AMD1: variants seen among roughly 807,000 people sequenced by gnomAD.
AMD1 encodes the protein S-adenosylmethionine decarboxylase proenzyme.
AMD1 carries 11 observed loss-of-function variants against 40.2 expected under a neutral mutation model. The observed-to-expected ratio is 0.27, with a 90% CI of 0.17 to 0.45. The LOEUF is 0.45. Ranked by LOEUF, AMD1 falls within the 20% of genes least tolerant of loss-of-function variation. The pLI is 1.00. For missense variants in AMD1, 257 were observed against 410.2 expected, an observed-to-expected ratio of 0.63 and a Z score of 3.23; for synonymous variants, 121 against 130.8, an observed-to-expected ratio of 0.93 and a Z score of 0.51.
At chr6:110,819,913 TATAATGCATTAGCATGCATTATA>T in the AMD1 span, among the ~76,000 whole-genome samples, 1 of 152,186 alleles carries the variant, frequency 6.6e-6, no homozygotes, top group South Asian at 2.1e-4. Flanking sequence ...ATATGTTAGT[TATAATGCATTAGCATGCATTATA>T]GGAGACATCC....
At chr6:110,881,051 A>G (rs1259905552) in intron 1 of AMD1, among the ~76,000 whole-genome samples, 2 of 152,240 alleles carry the variant, frequency 1.3e-5, no homozygotes, top group African/African-American at 4.8e-5. Flanking sequence ...TGTTTTAAAT[A>G]TAAAATGTGG....
At chr6:110,834,330 C>A in the AMD1 span, among the ~76,000 whole-genome samples, 1 of 151,970 alleles carries the variant, frequency 6.6e-6, no homozygotes, top group East Asian at 1.9e-4. Context: ...CAGAGTAAAA[C>A]CTCATCTCCT....
In AMD1 at chr6:110,892,279, TATTTTTA is replaced by T; in HGVS notation, c.471-12_471-6del. On this transcript the variant is annotated splice_polypyrimidine_tract_variant and intron_variant, in intron 5 of 8. Transcript: ENST00000368885. ...ACTGCCAATTGTCATTTTTAGGAAC[TATTTTTA>T]ATTTTTATTTAGGTACTTATATACT... The T allele has an allele frequency of 1.2e-6, 2 of 1,613,514 alleles. No homozygotes were observed. The highest frequency in any genetic ancestry group is 1.1e-5 in the South Asian group (1 of 90,798).
Position 110,893,776 on chromosome 6 carries a change from CATT to C in AMD1, c.*166_*168del. On this transcript the variant is annotated 3_prime_UTR_variant, in exon 9 of 9. Transcript: ENST00000368885. ...TAGTGTAATCATTTTGAATTGTATG[CATT>C]ATTATATCAAGGAGTTAGATATCTT... is the stretch of plus-strand genomic sequence containing the variant. The C allele has an allele frequency of 1.3e-6, 1 of 750,426 alleles. No individual in the cohort carries two copies. Among genetic ancestry groups the C allele is most frequent in the South Asian group, 2.0e-5 (1 of 49,032 alleles). 46.5% of individuals were successfully genotyped at this position (750,426 alleles called of 1,614,324 possible). A position where few individuals can be genotyped will look rare whatever the true frequency, so the allele number is the denominator to read the frequency against.
the AMD1 span, among the ~76,000 whole-genome samples, chr6:110,844,856 T>C: frequency 6.6e-6 from 1 of 151,964 alleles, no homozygotes; most frequent in Non-Finnish European, 1.5e-5. Flanking sequence ...GAAAAGATGT[T>C]TCATTGTCTC....
chr6:110,873,216 T>G (rs895756852), upstream of AMD1, among the ~76,000 whole-genome samples: 1 of 152,026 alleles, frequency 6.6e-6, no homozygotes, highest in African/African-American at 2.4e-5. Flanking sequence ...ATACAAAAAT[T>G]GGCCGGGTGT....
chr6:110,850,572 C>T, the AMD1 span, among the ~76,000 whole-genome samples: 1 of 152,132 alleles, frequency 6.6e-6, no homozygotes, highest in African/African-American at 2.4e-5. Flanking sequence ...ATATGTGTTC[C>T]AAGTAGATAA....
chr6:110,831,848 T>C, the AMD1 span, among the ~76,000 whole-genome samples: 2 of 152,092 alleles, frequency 1.3e-5, no homozygotes, highest in Non-Finnish European at 2.9e-5. Flanking sequence ...TTTTTTAATT[T>C]ATTTATTTTT....
the AMD1 span, among the ~76,000 whole-genome samples, chr6:110,861,341 G>C: frequency 6.7e-6 from 1 of 149,444 alleles, no homozygotes. Context: ...CTGGGTGACA[G>C]AGTGAGACTC....
At chr6:110,875,341 G>A (rs1562333185) in intron 1 of AMD1, 126 bp downstream of exon 1, 13 of 788,104 alleles carry the variant, frequency 1.6e-5, no homozygotes, top group Non-Finnish European at 1.9e-5. Flanking sequence ...GCCTGGGGTC[G>A]CTTCGGCGGC....
chr6:110,881,065 G>A (rs1029069605), intron 1 of AMD1, among the ~76,000 whole-genome samples: 1 of 152,128 alleles, frequency 6.6e-6, no homozygotes, highest in Non-Finnish European at 1.5e-5. Flanking sequence ...AATGTGGCAT[G>A]CCACTAAAGT....
the AMD1 span, chr6:110,858,622 G>A: frequency 7.8e-5 from 114 of 1,469,286 alleles, no homozygotes; most frequent in Non-Finnish European, 1.0e-4. Flanking sequence ...TCGCCCTGGT[G>A]AGTAAGGCCA....
chr6:110,857,623 G>C, the AMD1 span, among the ~76,000 whole-genome samples: 1 of 133,250 alleles, frequency 7.5e-6, no homozygotes, highest in Non-Finnish European at 1.6e-5. Context: ...ATATATAGGT[G>C]GTATATATAT....
the AMD1 span, among the ~76,000 whole-genome samples, chr6:110,837,730 A>AT: frequency 9.0e-6 from 1 of 110,568 alleles, no homozygotes; most frequent in Non-Finnish European, 1.8e-5. Flanking sequence ...AAAAAAAAAA[A>AT]AAAAAAAAAA....
chr6:110,841,293 C>A, the AMD1 span, among the ~76,000 whole-genome samples: 3 of 152,304 alleles, frequency 2.0e-5, no homozygotes, highest in African/African-American at 7.2e-5. Context: ...ATGATAGTTT[C>A]TTTTAAAGAC....
At chr6:110,858,698 T>C in the AMD1 span, 1 of 868,756 alleles carries the variant, frequency 1.2e-6, no homozygotes, top group Non-Finnish European at 1.9e-6. Flanking sequence ...GGAGCCGAAC[T>C]TCGACGACGC....
the AMD1 span, among the ~76,000 whole-genome samples, chr6:110,860,878 G>A: frequency 6.8e-6 from 1 of 148,100 alleles, no homozygotes; most frequent in Admixed American, 6.7e-5. Context: ...CACAGAGAGA[G>A]AGAACAATCA....
At chr6:110,814,789 G>C in the AMD1 span, 6 of 686,254 alleles carry the variant, frequency 8.7e-6, no homozygotes, top group Admixed American at 1.3e-4. Context: ...CGACGCCTCG[G>C]ACCGGGCTGC....
intron 1 of AMD1, among the ~76,000 whole-genome samples, chr6:110,887,034 GT>G (rs1008897323): frequency 6.6e-6 from 1 of 152,164 alleles, no homozygotes; most frequent in Non-Finnish European, 1.5e-5. Context: ...AGTCATTCCA[GT>G]TTTTTGTGAG....
Sources: allele counts gnomAD v4.1 joint callset (sites outside exome capture counted in the v4.1 genomes callset), GRCh38; gene constraint gnomAD v4.1.1; transcripts MANE v1.5; gene names NCBI Gene and HGNC (gene_info 2026-07-23, HGNC 2026-07-21).